RIC8A: variants seen among roughly 807,000 people sequenced by gnomAD.
RIC8A encodes the protein RIC8 guanine nucleotide exchange factor A, also known as chaperone Ric-8A.
A neutral mutation model predicts 48.4 loss-of-function variants in RIC8A; 37 were observed. The observed-to-expected ratio is 0.77, with a 90% CI of 0.59 to 1.01. RIC8A has a LOEUF of 1.01. Among genes scored for constraint, RIC8A ranks in the 50% least tolerant of loss-of-function variants. RIC8A has a pLI of 0.00. For missense variants in RIC8A, 681 were observed against 696.8 expected, an observed-to-expected ratio of 0.98 and a Z score of 0.25; for synonymous variants, 288 against 283.4, an observed-to-expected ratio of 1.02 and a Z score of -0.16.
In RIC8A at chr11:208,816, C is replaced by A. The variant is rs1329031746; in HGVS notation, c.-39C>A. 1.3e-6 allele frequency: 2 copies of A among 1,564,000 alleles called. No homozygotes were observed. Among genetic ancestry groups the A allele is most frequent in the Non-Finnish European group, 1.7e-6 (2 of 1,149,010 alleles). ...GGGGCCGGCGAACTGCGGCCCGGAACGGCTGAGGAAGGGCCCGTCCCGCCT... is the reference window on the plus strand; with the variant it reads ...GGGGCCGGCGAACTGCGGCCCGGAAAGGCTGAGGAAGGGCCCGTCCCGCCT... On this transcript the variant is annotated 5_prime_UTR_variant, in exon 1 of 10. Transcript: ENST00000526104. This position sits in a 1 kb window ranked among gnomAD's most constrained non-coding sequence, Gnocchi z 4.8.
At position 208,764 on chromosome 11, in the gene RIC8A, C is replaced by G. The variant is rs1251486703; in HGVS notation, c.-91C>G. 4 of 1,016,742 alleles carry G rather than the reference C, an allele frequency of 3.9e-6. No homozygotes were observed. Among genetic ancestry groups the G allele is most frequent in the Admixed American group, 3.6e-5 (1 of 27,790 alleles). 63.0% of individuals were successfully genotyped at this position (1,016,742 alleles called of 1,614,324 possible). A position where few individuals can be genotyped will look rare whatever the true frequency, so the allele number is the denominator to read the frequency against. On this transcript the variant is annotated 5_prime_UTR_variant, in exon 1 of 10. Coordinates refer to ENST00000526104, the MANE Select transcript of RIC8A (RefSeq NM_001286134.2). The surrounding 1 kb of genome is among the most constrained non-coding windows in gnomAD (Gnocchi z 4.8). ...GCCCCGTCCCGGCCTCCCCCGCGCG[C>G]TGGCGCGGGGCTTTCTGGGCCAGGG...
Position 211,326 on chromosome 11 carries a change from T to A in RIC8A, c.946T>A (p.Phe316Ile). The A allele has an allele frequency of 6.2e-7, 1 of 1,614,058 alleles. No homozygotes were observed. Among genetic ancestry groups the A allele is most frequent in the Non-Finnish European group, 8.5e-7 (1 of 1,179,956 alleles). Reference sequence around the variant, plus strand: ...GGATGTGATTCGTGCCCTCCTCATCTTCCTAGAGAAGCGTTTGCACAAGGT... The same window carrying A: ...GGATGTGATTCGTGCCCTCCTCATCATCCTAGAGAAGCGTTTGCACAAGGT... ...NMDVIRALLI[F>I]LEKRLHKTHR... is the part of the protein sequence containing the mutation. Residue 316 changes from phenylalanine (F) to isoleucine (I), a missense_variant, in exon 5 of 10, where the codon TTC (phenylalanine) becomes ATC (isoleucine). Transcript: ENST00000526104. The surrounding 1 kb of genome is among the most constrained non-coding windows in gnomAD (Gnocchi z 4.0).
At chr11:210,717 T>C in intron 4 of RIC8A, 55 bp downstream of exon 4, 1 of 1,543,964 alleles carries the variant, frequency 6.5e-7, no homozygotes, top group Non-Finnish European at 9.0e-7. Context: ...TAGATGGTCG[T>C]CCTCAACCCC....
chr11:210,691 A>AGTGT (rs774299833), intron 4 of RIC8A, 29 bp downstream of exon 4: 23 of 1,602,628 alleles, frequency 1.4e-5, no homozygotes, highest in Middle Eastern at 3.3e-4. Flanking sequence ...CTGGGAGGGA[A>AGTGT]GTGTGCCCAC....
chr11:213,327 G>T lies in RIC8A; in HGVS notation c.1384G>T (p.Glu462Ter), dbSNP rs150182856. Reference sequence around the variant, plus strand: ...AAACCCTGTGACCGGGAGGGTGGAGGAGAAGCCGCCTAACCCTATGGAGGG... The same window carrying T: ...AAACCCTGTGACCGGGAGGGTGGAGTAGAAGCCGCCTAACCCTATGGAGGG... ...SINPVTGRVE[E>*]KPPNPMEGMT... The change falls in exon 9 of 10, where the codon GAG becomes TAG. Residue 462 changes from glutamate to a stop codon, truncating the protein, a stop_gained. Transcript: ENST00000526104. LOFTEE classifies it high-confidence loss of function. The T allele has an allele frequency of 6.2e-7, 1 of 1,613,882 alleles. No homozygotes were observed. The highest frequency in any genetic ancestry group is 8.5e-7 in the Non-Finnish European group (1 of 1,179,978).
At position 208,908 on chromosome 11, in the gene RIC8A, T is replaced by C; in HGVS notation, c.54T>C (p.Ile18=). ...TGGAGACGGGTGAGGAGGATGTGAT[T>C]ATGGAAGCTCTGCGGTCATACAACC... ...EAVETGEEDV[I]MEALRSYNQE... Residue 18 remains isoleucine (I), a synonymous_variant, in exon 1 of 10, where the codon ATT becomes ATC. Coordinates refer to ENST00000526104, the MANE Select transcript of RIC8A (RefSeq NM_001286134.2). The surrounding 1 kb of genome is among the most constrained non-coding windows in gnomAD (Gnocchi z 4.8). 2 of 1,610,644 alleles carry C rather than the reference T, an allele frequency of 1.2e-6. No homozygotes were observed. Among genetic ancestry groups the C allele is most frequent in the Non-Finnish European group, 1.7e-6 (2 of 1,179,196 alleles).
rs1564801283 is a variant in RIC8A, at chr11:214,233, C to A, written c.1479C>A (p.Asn493Lys). 1.2e-6 allele frequency: 2 copies of A among 1,613,732 alleles called. No individual in the cohort carries two copies. Among genetic ancestry groups the A allele is most frequent in the Non-Finnish European group, 1.7e-6 (2 of 1,179,854 alleles). The change falls in exon 10 of 10, where the codon AAC becomes AAA. Residue 493 changes from asparagine (N) to lysine (K), a missense_variant. By Grantham distance (94) the Asn-to-Lys change is moderately conservative. Transcript: ENST00000526104. Reference sequence around the variant, plus strand: ...CCACTGCACCTTTCCCCAACAGGAACAGAGTCATCCAGCCAATGGGGATGA... The same window carrying A: ...CCACTGCACCTTTCCCCAACAGGAAAAGAGTCATCCAGCCAATGGGGATGA... Reference protein sequence around the residue: ...LVTMFDKLSRNRVIQPMGMSP... With the variant: ...LVTMFDKLSRKRVIQPMGMSP...
At chr11:210,851 T>C in intron 4 of RIC8A, 189 bp downstream of exon 4, 1 of 637,058 alleles carries the variant, frequency 1.6e-6, no homozygotes, top group Non-Finnish European at 2.8e-6. Flanking sequence ...GGGCCTTGGG[T>C]AGTGGCAACA....
chr11:208,775 CTTTCTGGGCCAGGGCGGG>C lies in RIC8A; in HGVS notation c.-79_-62del. The C allele has an allele frequency of 2.5e-6, 3 of 1,193,564 alleles. No individual in the cohort carries two copies. The highest frequency in any genetic ancestry group is 3.5e-6 in the Non-Finnish European group (3 of 866,814). The allele number at this position is 1,193,564 out of a possible 1,614,324, so 73.9% of individuals were successfully genotyped here. On this transcript the variant is annotated 5_prime_UTR_variant, in exon 1 of 10. Transcript: ENST00000526104. The surrounding 1 kb of genome is among the most constrained non-coding windows in gnomAD (Gnocchi z 4.8). ...GCCTCCCCCGCGCGCTGGCGCGGGG[CTTTCTGGGCCAGGGCGGG>C]GCCGGCGAACTGCGGCCCGGAACGG...
rs1242572493 is a variant in RIC8A at position 209,856 on chromosome 11, C to A, written c.582C>A (p.Asp194Glu). ...QELKGVRLLT[D>E]TLELTLGVTP... ...TGAAAGGAGTGCGCCTGCTAACTGA[C>A]ACACTGGAGCTGACGCTGGGGGTGA... The change falls in exon 3 of 10, where the codon GAC (aspartate) becomes GAA (glutamate). Residue 194 changes from aspartate to glutamate, a missense_variant. Transcript: ENST00000526104. The A allele has an allele frequency of 6.2e-7, 1 of 1,613,290 alleles. No homozygotes were observed. Among genetic ancestry groups the A allele is most frequent in the Non-Finnish European group, 8.5e-7 (1 of 1,180,016 alleles).
Position 211,359 on chromosome 11 carries a change from G to A in RIC8A, c.969+10G>A. On this transcript the variant is annotated intron_variant, in intron 5 of 9. Coordinates refer to ENST00000526104, the MANE Select transcript of RIC8A (RefSeq NM_001286134.2). This position sits in a 1 kb window ranked among gnomAD's most constrained non-coding sequence, Gnocchi z 4.0. ...GAAGCGTTTGCACAAGGTAGGCTGG[G>A]GATGGCTGTGCAGGCTCCCCCAGTG... The A allele has an allele frequency of 6.2e-7, 1 of 1,611,548 alleles. No individual in the cohort carries two copies. The highest frequency in any genetic ancestry group is 8.5e-7 in the Non-Finnish European group (1 of 1,178,636).
chr11:212,791 C>A (rs1855396906), intron 7 of RIC8A, 32 bp downstream of exon 7: 1 of 1,612,030 alleles, frequency 6.2e-7, no homozygotes, highest in African/African-American at 1.3e-5. Flanking sequence ...CCCAGCCCAC[C>A]CCACCTCAGC....
In RIC8A at chr11:213,758, C is replaced by A. The variant is rs577951113; in HGVS notation, c.1475+340C>A. ...AGGAGATCGAGACCATCCTGGCCAA[C>A]ATGGTGAAACCCCATCTCTGCTAAA... On this transcript the variant is annotated intron_variant, in intron 9 of 9. Transcript: ENST00000526104. 8.9e-4 allele frequency: 223 copies of A among 251,444 alleles called. 1 individual carries two copies. The highest frequency in any genetic ancestry group is 1.7e-3 in the South Asian group (36 of 20,616). 15.6% of individuals were successfully genotyped at this position (251,444 alleles called of 1,614,324 possible). A position where few individuals can be genotyped will look rare whatever the true frequency, so the allele number is the denominator to read the frequency against.
At chr11:210,041 C>A (rs1855311500) in intron 3 of RIC8A, 41 bp downstream of exon 3, 4 of 1,494,436 alleles carry the variant, frequency 2.7e-6, no homozygotes, top group Non-Finnish European at 3.6e-6. Context: ...CTCAACTCAG[C>A]TCCAACATTT....
At chr11:213,045 C>T in intron 8 of RIC8A, 64 bp downstream of exon 8, 2 of 1,497,810 alleles carry the variant, frequency 1.3e-6, no homozygotes, top group Non-Finnish European at 8.9e-7. Context: ...CTTCCACACC[C>T]ATGTGGACCC....
intron 5 of RIC8A, 99 bp from the exon 6 acceptor site, chr11:212,317 T>G: frequency 8.5e-7 from 1 of 1,173,174 alleles, no homozygotes; most frequent in Non-Finnish European, 1.2e-6. Context: ...GGACCAGCTG[T>G]TGTGTATGTT....
At position 209,486 on chromosome 11, in the gene RIC8A, G is replaced by A. The variant is rs1262008515; in HGVS notation, c.212G>A (p.Arg71Gln). The change falls in exon 3 of 10, where the codon CGA becomes CAA. Residue 71 changes from arginine to glutamine, a missense_variant. Physicochemically the swap from Arg to Gln is conservative, Grantham distance 43. Coordinates refer to ENST00000526104, the MANE Select transcript of RIC8A (RefSeq NM_001286134.2). Reference protein sequence around the residue: ...SHRVIWLQSVRILSRDRNCLD... With the variant: ...SHRVIWLQSVQILSRDRNCLD... ...CGTGTCATCTGGCTGCAGAGTGTCC[G>A]AATCCTGTCCCGGGACCGCAACTGC... is the stretch of plus-strand genomic sequence containing the variant. 1.9e-6 allele frequency: 3 copies of A among 1,611,926 alleles called. No homozygotes were observed. Among genetic ancestry groups the A allele is most frequent in the Non-Finnish European group, 2.5e-6 (3 of 1,178,480 alleles).
Position 215,106 on chromosome 11 carries a change from G to A in RIC8A, c.*756G>A, listed in dbSNP as rs1379121953. 1 of 154,436 alleles carries A rather than the reference G, an allele frequency of 6.5e-6. No individual in the cohort carries two copies. The highest frequency in any genetic ancestry group is 1.4e-5 in the Non-Finnish European group (1 of 69,530). 9.6% of individuals were successfully genotyped at this position (154,436 alleles called of 1,614,324 possible). A position where few individuals can be genotyped will look rare whatever the true frequency, so the allele number is the denominator to read the frequency against. On this transcript the variant is annotated 3_prime_UTR_variant, in exon 10 of 10. Transcript: ENST00000526104. Reference sequence around the variant, plus strand: ...CATCTTGAAATAAAGAAGAGTTTTGGACAAAAATGTATGTGTAAATTATCA... The same window carrying A: ...CATCTTGAAATAAAGAAGAGTTTTGAACAAAAATGTATGTGTAAATTATCA...
At chr11:210,981 AGT>A in intron 4 of RIC8A, 1 of 608,164 alleles carries the variant, frequency 1.6e-6, no homozygotes, top group East Asian at 2.8e-5. Flanking sequence ...TCGGGGAGGC[AGT>A]GTGTCTCAGT....
Sources: allele counts gnomAD v4.1 joint callset, GRCh38; gene constraint gnomAD v4.1.1; non-coding constraint Gnocchi (gnomAD v3.1); transcripts MANE v1.5; gene names NCBI Gene and HGNC (gene_info 2026-07-23, HGNC 2026-07-21).